The following RPH3A variants were observed in gnomAD, a reference collection of about 807,000 sequenced individuals.
The protein encoded by RPH3A is rabphilin 3A.
RPH3A carries 48 observed loss-of-function variants against 102.2 expected under a neutral mutation model. The ratio of observed to expected loss-of-function variants is 0.47; its 90% CI spans 0.37 to 0.60. The LOEUF is 0.60. RPH3A is among the 20% of genes least tolerant of loss of function. The pLI is 0.00. For synonymous variants in RPH3A, 310 were observed against 324.3 expected, an observed-to-expected ratio of 0.96 and a Z score of 0.47; for missense variants, 781 against 910.1, an observed-to-expected ratio of 0.86 and a Z score of 1.83.
At chr12:112,770,066 C>T (rs1199014556) in intron 1 of RPH3A, among the ~76,000 whole-genome samples, 1 of 152,110 alleles carries the variant, frequency 6.6e-6, no homozygotes, top group Non-Finnish European at 1.5e-5. Flanking sequence ...GAGTTCTTTC[C>T]ACATTAATAC....
At chr12:112,735,324 T>C (rs2136051180) in intron 1 of RPH3A, among the ~76,000 whole-genome samples, 1 of 152,226 alleles carries the variant, frequency 6.6e-6, no homozygotes, top group East Asian at 1.9e-4. Flanking sequence ...GGGAAGTCAA[T>C]AGAAACAAAA....
At chr12:112,773,417 G>T (rs958592845) in intron 1 of RPH3A, among the ~76,000 whole-genome samples, 1 of 151,934 alleles carries the variant, frequency 6.6e-6, no homozygotes, top group Admixed American at 6.6e-5. Flanking sequence ...GTGAAGTTTT[G>T]ATTGCTAATA....
intron 5 of RPH3A, among the ~76,000 whole-genome samples, chr12:112,854,454 G>A (rs2042376285): frequency 6.6e-6 from 1 of 152,232 alleles, no homozygotes; most frequent in African/African-American, 2.4e-5. Context: ...GGAATCCTAT[G>A]CAATAGCACA....
intron 1 of RPH3A, among the ~76,000 whole-genome samples, chr12:112,734,407 A>G (rs2040654297): frequency 6.6e-6 from 1 of 152,232 alleles, no homozygotes; most frequent in African/African-American, 2.4e-5. Context: ...ATTTCTCAGA[A>G]CATATTCCCA....
intron 4 of RPH3A, chr12:112,837,929 T>A: frequency 2.4e-6 from 1 of 422,580 alleles, no homozygotes; most frequent in Non-Finnish European, 4.7e-6. Context: ...CTTCCTCTAT[T>A]AATAAACACT....
At chr12:112,737,467 A>T (rs2040677568) in intron 1 of RPH3A, among the ~76,000 whole-genome samples, 1 of 152,134 alleles carries the variant, frequency 6.6e-6, no homozygotes, top group Admixed American at 6.5e-5. Flanking sequence ...TTATTTTTAG[A>T]TGTATTCTTG....
At chr12:112,730,446 A>T (rs550212356) in intron 1 of RPH3A, among the ~76,000 whole-genome samples, 1 of 152,314 alleles carries the variant, frequency 6.6e-6, no homozygotes, top group South Asian at 2.1e-4. Context: ...CATTTGAACC[A>T]GGTAGGGGTA....
chr12:112,733,472 G>C (rs942135677), intron 1 of RPH3A, among the ~76,000 whole-genome samples: 38 of 152,134 alleles, frequency 2.5e-4, no homozygotes, highest in African/African-American at 9.2e-4. Flanking sequence ...GAGTGTGCAG[G>C]GGAAGCCTTC....
chr12:112,849,220 TAGG>T (rs533127962), intron 5 of RPH3A, among the ~76,000 whole-genome samples: 2 of 152,174 alleles, frequency 1.3e-5, no homozygotes, highest in South Asian at 4.2e-4. Context: ...GCTAGGGAAA[TAGG>T]GGGTGTTGTT....
chr12:112,653,694 C>T (rs957909325), intron 1 of RPH3A, among the ~76,000 whole-genome samples: 1 of 152,070 alleles, frequency 6.6e-6, no homozygotes, highest in Non-Finnish European at 1.5e-5. Flanking sequence ...TAGGCAAACT[C>T]GTGTCATGGG....
At chr12:112,844,082 T>C (rs1282315194) in intron 4 of RPH3A, among the ~76,000 whole-genome samples, 3 of 152,204 alleles carry the variant, frequency 2.0e-5, no homozygotes, top group Non-Finnish European at 4.4e-5. Context: ...CTGTCAGGAA[T>C]GCCACAGCAG....
chr12:112,845,388 A>G (rs1316113489), intron 4 of RPH3A, among the ~76,000 whole-genome samples: 1 of 152,144 alleles, frequency 6.6e-6, no homozygotes, highest in African/African-American at 2.4e-5. Flanking sequence ...CAAAGCTTAT[A>G]TACTTAAGGG....
At chr12:112,765,477 G>A (rs1352373113) in intron 1 of RPH3A, among the ~76,000 whole-genome samples, 1 of 152,124 alleles carries the variant, frequency 6.6e-6, no homozygotes, top group African/African-American at 2.4e-5. Context: ...ATGAAGGAAA[G>A]CCCAAACTGT....
intron 1 of RPH3A, among the ~76,000 whole-genome samples, chr12:112,727,723 A>G (rs997065789): frequency 3.9e-5 from 6 of 152,274 alleles, no homozygotes; most frequent in African/African-American, 1.2e-4. Flanking sequence ...GGGATTAGAA[A>G]GAAAAGAATC....
chr12:112,841,699 TTTTTTTGG>T (rs1417326873), intron 4 of RPH3A, among the ~76,000 whole-genome samples: 1 of 112,978 alleles, frequency 8.9e-6, no homozygotes, highest in African/African-American at 3.9e-5. Context: ...GTTTTTTTTG[TTTTTTTGG>T]TTTTTTTTTT....
chr12:112,771,153 T>C (rs1029060511), intron 1 of RPH3A, among the ~76,000 whole-genome samples: 2 of 152,254 alleles, frequency 1.3e-5, no homozygotes, highest in Non-Finnish European at 2.9e-5. Flanking sequence ...TCCTGTTGCC[T>C]ATTTAAGTGA....
intron 5 of RPH3A, among the ~76,000 whole-genome samples, chr12:112,853,721 C>T (rs887188800): frequency 6.6e-6 from 1 of 151,760 alleles, no homozygotes; most frequent in Non-Finnish European, 1.5e-5. Flanking sequence ...TCCAGCTACT[C>T]AGGAGGCTGA....
At chr12:112,783,343 G>A (rs754201229) in intron 1 of RPH3A, among the ~76,000 whole-genome samples, 4 of 152,064 alleles carry the variant, frequency 2.6e-5, no homozygotes, top group South Asian at 4.1e-4. Flanking sequence ...CTGGTCTCCC[G>A]TGGAGGTAAC....
At chr12:112,597,057 ACC>A (rs2135966546) in intron 1 of RPH3A, among the ~76,000 whole-genome samples, 1 of 152,312 alleles carries the variant, frequency 6.6e-6, no homozygotes, top group Non-Finnish European at 1.5e-5. Flanking sequence ...AGACACATTA[ACC>A]TTCTCCCACC....
Sources: allele counts gnomAD v4.1 joint callset (sites outside exome capture counted in the v4.1 genomes callset), GRCh38; gene constraint gnomAD v4.1.1; transcripts MANE v1.5; gene names NCBI Gene and HGNC (gene_info 2026-07-23, HGNC 2026-07-21).